RAD51B: variants seen among roughly 807,000 people sequenced by gnomAD.
RAD51B encodes the protein DNA repair protein RAD51 homolog 2.
RAD51B carries 38 observed loss-of-function variants against 42.2 expected under a neutral mutation model. The ratio of observed to expected loss-of-function variants is 0.90; its 90% confidence interval spans 0.70 to 1.18. The LOEUF (loss-of-function observed/expected upper bound fraction) is 1.18, where lower values mean the gene tolerates loss of function less well. RAD51B is among the 50% of genes most tolerant of loss of function. The pLI, the probability that RAD51B is intolerant of heterozygous loss-of-function variation, is 0.00. For missense variants in RAD51B, 373 were observed against 400.7 expected, an observed-to-expected ratio of 0.93 and a Z score of 0.59; for synonymous variants, 154 against 145.2, an observed-to-expected ratio of 1.06 and a Z score of -0.43.
At chr14:68,469,986 T>C (rs1418349598) in intron 10 of RAD51B, among the ~76,000 whole-genome samples, 1 of 152,148 alleles carries the variant, frequency 6.6e-6, no homozygotes, top group East Asian at 1.9e-4. Flanking sequence ...GCTAAGATCA[T>C]GATTTTAAGA....
intron 7 of RAD51B, among the ~76,000 whole-genome samples, chr14:68,153,393 A>C (rs1306659701): frequency 6.6e-6 from 1 of 152,146 alleles, no homozygotes; most frequent in East Asian, 1.9e-4. Flanking sequence ...TGCTATTTTT[A>C]GCTCTTTGAG....
At chr14:68,320,686 A>G (rs1036183880) in intron 8 of RAD51B, among the ~76,000 whole-genome samples, 1 of 152,232 alleles carries the variant, frequency 6.6e-6, no homozygotes, top group Non-Finnish European at 1.5e-5. Flanking sequence ...CTCCCTCTAT[A>G]AAATGATTTG....
intron 7 of RAD51B, among the ~76,000 whole-genome samples, chr14:67,945,103 A>G (rs1029448392): frequency 1.2e-4 from 19 of 152,354 alleles, no homozygotes; most frequent in African/African-American, 4.6e-4. Context: ...TGTCTTCTAG[A>G]TAAGAATCAG....
rs1889013913 is a variant in RAD51B at position 68,559,132 on chromosome 14, TAC to T, written c.1037-35347_1037-35346del. ...ATATATATGTGTGCATATATATATA[TAC>T]ACACAAAAAAACCTGTCCATATATA... On this transcript the variant is annotated intron_variant, in intron 10 of 10. Coordinates refer to the RAD51B transcript ENST00000487270. Among the ~76,000 whole-genome samples, 3 of 151,714 alleles carry T rather than the reference TAC, an allele frequency of 2.0e-5. No individual in the cohort carries two copies. The South Asian group carries it at 6.2e-4, about 32-fold the overall frequency.
intron 7 of RAD51B, among the ~76,000 whole-genome samples, chr14:68,164,804 A>G (rs1350570163): frequency 6.6e-6 from 1 of 152,152 alleles, no homozygotes; most frequent in African/African-American, 2.4e-5. Flanking sequence ...CATGTACCAG[A>G]TGTGGGTAGT....
chr14:68,163,857 T>A (rs2140833377), intron 7 of RAD51B, among the ~76,000 whole-genome samples: 1 of 152,332 alleles, frequency 6.6e-6, no homozygotes, highest in Middle Eastern at 3.4e-3. Flanking sequence ...CTCGTTAGAA[T>A]GCAAGTTCCT....
At position 68,020,164 on chromosome 14, in the gene RAD51B, C is replaced by T. The variant is rs544193738; in HGVS notation, c.756+132960C>T. The stretch of plus-strand genomic sequence containing the variant: ...TCACTATCTCACCTAGACTGGAGTA[C>T]AATGGTGCAATCTCAGCTCACTGCA... On this transcript the variant is annotated intron_variant, in intron 7 of 10. Transcript: ENST00000471583. Among the ~76,000 whole-genome samples, 12 of 152,280 alleles carry T rather than the reference C, an allele frequency of 7.9e-5. No individual in the cohort carries two copies. The South Asian group carries it at 2.3e-3, about 29-fold the overall frequency.
At chr14:67,845,441 G>A (rs1946405341) in intron 4 of RAD51B, among the ~76,000 whole-genome samples, 1 of 152,180 alleles carries the variant, frequency 6.6e-6, no homozygotes, top group Non-Finnish European at 1.5e-5. Context: ...GCTGAGGCAG[G>A]TGGATTGCTT....
chr14:68,662,469 AC>A (rs1330153792), intron 11 of RAD51B, among the ~76,000 whole-genome samples: 77 of 152,354 alleles, frequency 5.1e-4, no homozygotes, highest in African/African-American at 1.7e-3. Flanking sequence ...TTGAAACAGA[AC>A]GGTCATGGGA....
chr14:68,202,431 A>G (rs1224326823), intron 7 of RAD51B, among the ~76,000 whole-genome samples: 1 of 151,658 alleles, frequency 6.6e-6, no homozygotes, highest in Non-Finnish European at 1.5e-5. Context: ...GTCCTCTCAA[A>G]CCCTGCTGTT....
At position 68,540,412 on chromosome 14, in the gene RAD51B, C is replaced by T. The variant is rs149514136; in HGVS notation, c.1037-54073C>T. 127 of 985,016 alleles carry T rather than the reference C, an allele frequency of 1.3e-4. No individual in the cohort carries two copies. In the African/African-American group the frequency reaches 2.1e-3, roughly 16 times the overall value. 61.0% of individuals were successfully genotyped at this position (985,016 alleles called of 1,614,324 possible). A position where few individuals can be genotyped will look rare whatever the true frequency, so the allele number is the denominator to read the frequency against. On this transcript the variant is annotated intron_variant, in intron 10 of 10. Coordinates refer to the RAD51B transcript ENST00000487270. The stretch of plus-strand genomic sequence containing the variant: ...AGTCATTACATATGACTTATTCAGC[C>T]CTCCCTTATTCAATTTGATTCACTT...
At chr14:67,968,416 A>G (rs1385940853) in intron 7 of RAD51B, among the ~76,000 whole-genome samples, 4 of 152,152 alleles carry the variant, frequency 2.6e-5, no homozygotes, top group Non-Finnish European at 5.9e-5. Flanking sequence ...CAAGTTTTCT[A>G]AGTTTTATGC....
chr14:68,316,449 C>T (rs946557365), intron 8 of RAD51B, among the ~76,000 whole-genome samples: 2 of 80,208 alleles, frequency 2.5e-5, no homozygotes, highest in Non-Finnish European at 6.3e-5. Flanking sequence ...AAACCATTCC[C>T]ATGGCAGGCC....
At chr14:68,481,398 T>C (rs1204748181), downstream of RAD51B, among the ~76,000 whole-genome samples, 4 of 152,180 alleles carry the variant, frequency 2.6e-5, no homozygotes, top group South Asian at 6.2e-4. Flanking sequence ...GGCTCCTCCT[T>C]GAGACTACCT....
intron 7 of RAD51B, among the ~76,000 whole-genome samples, chr14:68,234,848 A>C (rs1335726206): frequency 6.6e-6 from 1 of 152,194 alleles, no homozygotes; most frequent in Non-Finnish European, 1.5e-5. Context: ...TTTCAACAAT[A>C]AATTAAGTGT....
intron 8 of RAD51B, among the ~76,000 whole-genome samples, chr14:68,405,392 T>C (rs2084240630): frequency 6.6e-6 from 1 of 152,164 alleles, no homozygotes; most frequent in Non-Finnish European, 1.5e-5. Context: ...TACAGTGGGC[T>C]ATGATCATAC....
rs146538542 is a variant in RAD51B at position 68,146,608 on chromosome 14, C to A, written c.757-145276C>A. On this transcript the variant is annotated intron_variant, in intron 7 of 10. Transcript: ENST00000471583. Reference sequence around the variant, plus strand: ...GAATTTTGCTTCTCTATTAGAGGACCCTGGCTTAGGTTTTAAACGGAAGTT... The same window carrying A: ...GAATTTTGCTTCTCTATTAGAGGACACTGGCTTAGGTTTTAAACGGAAGTT... Among the ~76,000 whole-genome samples the A allele has an allele frequency of 3.9e-5, 6 of 152,154 alleles. 1 individual carries two copies. The East Asian group carries it at 1.2e-3, about 29-fold the overall frequency.
chr14:68,108,064 AC>A (rs2077403183), intron 7 of RAD51B, among the ~76,000 whole-genome samples: 1 of 151,910 alleles, frequency 6.6e-6, no homozygotes, highest in Non-Finnish European at 1.5e-5. Flanking sequence ...GCCAATAAGC[AC>A]ATGAAAATAT....
In RAD51B at chr14:68,040,158, G is replaced by A. The variant is rs144923189; in HGVS notation, c.756+152954G>A. Among the ~76,000 whole-genome samples, 145 of 152,324 alleles carry A rather than the reference G, an allele frequency of 9.5e-4. 1 individual carries two copies. The highest frequency in any genetic ancestry group is 3.2e-3 in the African/African-American group (134 of 41,556). On this transcript the variant is annotated intron_variant, in intron 7 of 10. Transcript: ENST00000471583. ...TGAAGATGAGTATCATTTGATTAAA[G>A]TATAGCTTCTAAGACTTAAATGACC...
Sources: allele counts gnomAD v4.1 joint callset (sites outside exome capture counted in the v4.1 genomes callset), GRCh38; gene constraint gnomAD v4.1.1; transcripts MANE v1.5; gene names NCBI Gene and HGNC (gene_info 2026-07-23, HGNC 2026-07-21).